Variants in ARHGAP40 observed in about 807,000 individuals in gnomAD.
The protein encoded by ARHGAP40 is rho GTPase-activating protein 40.
In ARHGAP40, 43 loss-of-function variants were observed where a neutral mutation model predicts 73.5. The ratio of observed to expected loss-of-function variants is 0.58; its 90% CI spans 0.46 to 0.75. The LOEUF is 0.75. Among genes scored for constraint, ARHGAP40 ranks in the 30% least tolerant of loss-of-function variants. The pLI, the probability that ARHGAP40 is intolerant of heterozygous loss-of-function variation, is 0.00. For synonymous variants in ARHGAP40, 300 were observed against 352.8 expected (o/e 0.85, Z 1.68); for missense variants, 734 against 861.8 (o/e 0.85, Z 1.86).
In ARHGAP40 at chr20:38,602,211, A is replaced by T. The variant is rs971575050; in HGVS notation, c.137+132A>T. ...TACAGATGAGGAAACAGAGGCTTGG[A>T]GAGCCCGGTCACCTGGCTGTCAAGT... On this transcript the variant is annotated intron_variant, in intron 1 of 14. Coordinates refer to ENST00000373345, the Ensembl canonical transcript of ARHGAP40. 4.5e-6 allele frequency: 5 copies of T among 1,122,512 alleles called. No homozygotes were observed. The African/African-American group carries it at 8.3e-5, about 19-fold the overall frequency. 69.5% of individuals were successfully genotyped at this position (1,122,512 alleles called of 1,614,324 possible).
rs529362967 is a variant in ARHGAP40, at chr20:38,633,944, C to T, written c.784-676C>T. Reference sequence around the variant, plus strand: ...AAGCCCATGGGGTGATCCCTCTTCTCCAGGTCCTCTTGTGGAAGGGCAGGC... The same window carrying T: ...AAGCCCATGGGGTGATCCCTCTTCTTCAGGTCCTCTTGTGGAAGGGCAGGC... On this transcript the variant is annotated intron_variant, in intron 5 of 14. Transcript: ENST00000373345. Among the ~76,000 whole-genome samples, 31 of 152,318 alleles carry T rather than the reference C, an allele frequency of 2.0e-4. No homozygotes were observed. In the South Asian group the frequency reaches 2.1e-3, roughly 10 times the overall value.
At chr20:38,611,413 CTTTTTT>C (rs11482396) in intron 1 of ARHGAP40, among the ~76,000 whole-genome samples, 2 of 118,336 alleles carry the variant, frequency 1.7e-5, no homozygotes, top group East Asian at 5.1e-4. Flanking sequence ...CTATTTAAAA[CTTTTTT>C]TTTTTTTTTT....
intron 5 of ARHGAP40, 97 bp downstream of exon 5, chr20:38,629,747 CACAAA>C (rs1476164454): frequency 8.4e-7 from 1 of 1,187,786 alleles, no homozygotes; most frequent in African/African-American, 1.6e-5. Flanking sequence ...AGGCATCCAG[CACAAA>C]AGTTGTTAAT....
chr20:38,615,551 A>G (rs2088831503), intron 1 of ARHGAP40: 1 of 567,984 alleles, frequency 1.8e-6, no homozygotes, highest in African/African-American at 1.9e-5. Flanking sequence ...TGCCGCAGCC[A>G]CTGTTTTCCC....
chr20:38,646,182 G>C lies in ARHGAP40; in HGVS notation c.1705G>C (p.Glu569Gln). The C allele has an allele frequency of 4.6e-6, 6 of 1,301,078 alleles. No homozygotes were observed. The highest frequency in any genetic ancestry group is 6.1e-6 in the Non-Finnish European group (6 of 986,976). The allele number at this position is 1,301,078 out of a possible 1,614,324, so 80.6% of individuals were successfully genotyped here. A position where few individuals can be genotyped will look rare whatever the true frequency, so the allele number is the denominator to read the frequency against. Residue 569 changes from glutamate (E) to glutamine (Q), a missense_variant, in exon 12 of 15, where the codon GAG (glutamate) becomes CAG (glutamine). Coordinates refer to ENST00000373345, the Ensembl canonical transcript of ARHGAP40. The surrounding 1 kb of genome is among the most constrained non-coding windows in gnomAD (Gnocchi z 4.5). ...CAGGGACAAGGCGGGGGACGGCCTC[G>C]AGGCGGTGAGTGCCCCCGACCCCAG...
chr20:38,634,822 C>T (rs1258051200), intron 6 of ARHGAP40, 37 bp downstream of exon 6: 1 of 1,240,266 alleles, frequency 8.1e-7, no homozygotes, highest in South Asian at 1.5e-5. Context: ...CCTGTGGCCA[C>T]AGTCCTCATA....
intron 1 of ARHGAP40, among the ~76,000 whole-genome samples, chr20:38,621,798 A>G (rs1177217802): frequency 6.6e-6 from 1 of 152,220 alleles, no homozygotes; most frequent in East Asian, 1.9e-4. Flanking sequence ...TCATTCCTGT[A>G]ATCCCAGTAC....
At chr20:38,641,257 A>G (rs1490444831) in intron 9 of ARHGAP40, among the ~76,000 whole-genome samples, 1 of 151,974 alleles carries the variant, frequency 6.6e-6, no homozygotes, top group Non-Finnish European at 1.5e-5. Flanking sequence ...TGAATCTATA[A>G]CTACTACCTC....
intron 1 of ARHGAP40, among the ~76,000 whole-genome samples, chr20:38,616,828 T>G (rs1281974572): frequency 6.6e-6 from 1 of 152,202 alleles, no homozygotes; most frequent in Non-Finnish European, 1.5e-5. Flanking sequence ...TGGCGTCTAG[T>G]GGGTAGAGGG....
At chr20:38,629,114 C>A in intron 4 of ARHGAP40, 112 bp downstream of exon 4, 1 of 941,778 alleles carries the variant, frequency 1.1e-6, no homozygotes, top group Non-Finnish European at 1.4e-6. Flanking sequence ...TTCCTGCTGA[C>A]TCCCTGCCTT....
At chr20:38,634,859 A>G in intron 6 of ARHGAP40, 74 bp downstream of exon 6, 1 of 1,179,362 alleles carries the variant, frequency 8.5e-7, no homozygotes, top group Non-Finnish European at 1.1e-6. Context: ...CTCTCCCAGC[A>G]AGAGATGCTC....
chr20:38,637,932 T>G, intron 7 of ARHGAP40, 133 bp downstream of exon 7: 1 of 601,340 alleles, frequency 1.7e-6, no homozygotes, highest in Non-Finnish European at 2.4e-6. Flanking sequence ...GTTCAAATTC[T>G]GGCTCTGGCA....
exon 5 of ARHGAP40, chr20:38,629,612 C>T (rs926806372): frequency 6.9e-6 from 9 of 1,305,260 alleles, no homozygotes; most frequent in East Asian, 5.5e-5. Context: ...CAGGCCATCC[C>T]GGGGAGGCAC....
intron 1 of ARHGAP40, among the ~76,000 whole-genome samples, chr20:38,604,902 T>C (rs1201418974): frequency 6.6e-6 from 1 of 151,994 alleles, no homozygotes; most frequent in Non-Finnish European, 1.5e-5. Context: ...ATATCACCGT[T>C]ACCTCTTTTG....
exon 9 of ARHGAP40, chr20:38,639,232 G>A (rs868837321): frequency 1.5e-6 from 2 of 1,305,470 alleles, no homozygotes; most frequent in South Asian, 2.5e-5. Context: ...TGTAGGGGCT[G>A]GAACAGAAAC....
In ARHGAP40 at chr20:38,637,689, G is replaced by A; in HGVS notation, c.950-19G>A. The A allele has an allele frequency of 7.7e-7, 1 of 1,304,682 alleles. No homozygotes were observed. Among genetic ancestry groups the A allele is most frequent in the African/African-American group, 1.5e-5 (1 of 65,898 alleles). The allele number at this position is 1,304,682 out of a possible 1,614,324, so 80.8% of individuals were successfully genotyped here. A position where few individuals can be genotyped will look rare whatever the true frequency, so the allele number is the denominator to read the frequency against. On this transcript the variant is annotated intron_variant, in intron 6 of 14. Coordinates refer to ENST00000373345, the Ensembl canonical transcript of ARHGAP40. The stretch of plus-strand genomic sequence containing the variant: ...ATTCCAAGAAGTGAAATGTGCCTCT[G>A]CTCTTTGACTTTCTGCAGAAACTCG...
intron 6 of ARHGAP40, among the ~76,000 whole-genome samples, chr20:38,636,272 T>TTA (rs1568610062): frequency 2.6e-4 from 39 of 151,702 alleles, no homozygotes; most frequent in Admixed American, 2.6e-4. Flanking sequence ...TTATTTTTTT[T>TTA]TTTTTTTGAG....
chr20:38,639,140 T>A, intron 8 of ARHGAP40, 87 bp from the exon 9 acceptor site: 1 of 1,250,992 alleles, frequency 8.0e-7, no homozygotes, highest in Non-Finnish European at 1.1e-6. Flanking sequence ...ACTTTGCAGA[T>A]GAGGAAACCA....
intron 2 of ARHGAP40, among the ~76,000 whole-genome samples, chr20:38,626,009 CA>C (rs2088897191): frequency 1.3e-5 from 2 of 152,006 alleles, no homozygotes; most frequent in Non-Finnish European, 2.9e-5. Flanking sequence ...CCTGTACAAA[CA>C]AAAAAATGTC....
Sources: gnomAD v4.1 joint callset for allele counts (sites outside exome capture counted in the v4.1 genomes callset) on GRCh38, gnomAD v4.1.1 for gene constraint, Gnocchi (gnomAD v3.1) non-coding constraint, MANE v1.5 for transcripts, NCBI Gene and HGNC (gene_info 2026-07-23, HGNC 2026-07-21) for gene names.